RBFOX1: variants seen among roughly 807,000 people sequenced by gnomAD.
RBFOX1 encodes the protein RNA binding protein fox-1 homolog 1.
In RBFOX1, 8 loss-of-function variants were observed where a neutral mutation model predicts 57.7. The observed-to-expected ratio is 0.14, with a 90% confidence interval of 0.08 to 0.25. RBFOX1 has a LOEUF of 0.25. Ranked by LOEUF, RBFOX1 falls within the 10% of genes least tolerant of loss-of-function variation. The probability of loss-of-function intolerance (pLI) is 1.00; values close to 1 mark genes in which losing one functional copy is unlikely to be tolerated. For missense variants in RBFOX1, 611 were observed against 548.5 expected (o/e 1.11, Z -1.14); for synonymous variants, 326 against 222.4 (o/e 1.47, Z -4.15).
rs573246312 is a variant in RBFOX1, at chr16:7,224,438, G to A, written c.27+172340G>A. On this transcript the variant is annotated intron_variant, in intron 4 of 15. Transcript: ENST00000550418. ...CTTGGCCTATAATGCCCCATACCAA[G>A]CATCACCAGCCCAGTGCTTCTCAGT... Among the ~76,000 whole-genome samples, 9 of 152,254 alleles carry A rather than the reference G, an allele frequency of 5.9e-5. No homozygotes were observed. In the South Asian group the frequency reaches 6.2e-4, roughly 11 times the overall value.
chr16:6,256,598 A>G (rs941310720), intron 1 of RBFOX1, among the ~76,000 whole-genome samples: 4 of 152,198 alleles, frequency 2.6e-5, no homozygotes, highest in African/African-American at 2.4e-5. Flanking sequence ...ATATGTCAAC[A>G]TGTGCTTAGG....
At chr16:7,379,393 G>T (rs967198722) in intron 4 of RBFOX1, among the ~76,000 whole-genome samples, 1 of 152,170 alleles carries the variant, frequency 6.6e-6, no homozygotes, top group Non-Finnish European at 1.5e-5. Flanking sequence ...GAGCGAATAA[G>T]AAAATAGAAC....
chr16:6,801,988 C>T (rs1000396564), intron 3 of RBFOX1, among the ~76,000 whole-genome samples: 1 of 152,048 alleles, frequency 6.6e-6, no homozygotes, highest in Non-Finnish European at 1.5e-5. Flanking sequence ...TATCTTGTCT[C>T]GTGCTAATCA....
At chr16:6,922,235 C>T (rs142054764) in intron 3 of RBFOX1, among the ~76,000 whole-genome samples, 1,806 of 152,154 alleles carry the variant, frequency 0.012, 15 homozygotes, top group Non-Finnish European at 0.019. Context: ...GCATTGGCAT[C>T]GATCTCAGAA....
chr16:5,782,058 G>A (rs2151706799), intron 3 of RBFOX1, among the ~76,000 whole-genome samples: 1 of 152,190 alleles, frequency 6.6e-6, no homozygotes, highest in East Asian at 1.9e-4. Context: ...AATAGAGAAA[G>A]ACATTAGCTG....
At chr16:6,818,331 T>A (rs1235347022) in intron 3 of RBFOX1, among the ~76,000 whole-genome samples, 1 of 152,070 alleles carries the variant, frequency 6.6e-6, no homozygotes, top group Non-Finnish European at 1.5e-5. Flanking sequence ...TCTAAATGGG[T>A]GTGACATACG....
At chr16:6,949,412 A>G (rs2080231894) in intron 3 of RBFOX1, among the ~76,000 whole-genome samples, 1 of 152,166 alleles carries the variant, frequency 6.6e-6, no homozygotes, top group Non-Finnish European at 1.5e-5. Flanking sequence ...GGCTAGGGGC[A>G]CCATAACAAA....
At chr16:6,774,308 C>T (rs1382620149) in intron 3 of RBFOX1, among the ~76,000 whole-genome samples, 3 of 152,066 alleles carry the variant, frequency 2.0e-5, no homozygotes, top group African/African-American at 4.8e-5. Context: ...GGTGCCCCTC[C>T]AGGAAAGTAT....
intron 4 of RBFOX1, among the ~76,000 whole-genome samples, chr16:7,406,644 C>G (rs1384015753): frequency 6.6e-6 from 1 of 152,228 alleles, no homozygotes; most frequent in South Asian, 2.1e-4. Context: ...AGTGACCACG[C>G]ACCCACATGG....
chr16:6,760,997 C>T (rs75291109), intron 3 of RBFOX1, among the ~76,000 whole-genome samples: 1 of 152,198 alleles, frequency 6.6e-6, no homozygotes, highest in Non-Finnish European at 1.5e-5. Flanking sequence ...ACTGAGCCAT[C>T]TTTCCAATTA....
intron 3 of RBFOX1, among the ~76,000 whole-genome samples, chr16:7,040,944 C>G (rs996222123): frequency 6.7e-5 from 10 of 149,938 alleles, no homozygotes; most frequent in African/African-American, 2.0e-4. Context: ...GGGAAGGAGT[C>G]TTGCTCTGTC....
At chr16:5,539,438 C>G (rs528649973) in intron 2 of RBFOX1, among the ~76,000 whole-genome samples, 1 of 150,114 alleles carries the variant, frequency 6.7e-6, no homozygotes, top group African/African-American at 2.4e-5. Context: ...ACTGAAAATA[C>G]AAAATTAGCC....
chr16:7,193,116 T>C (rs545476117), intron 4 of RBFOX1, among the ~76,000 whole-genome samples: 2 of 152,334 alleles, frequency 1.3e-5, no homozygotes, highest in South Asian at 4.1e-4. Context: ...TGCTAATCGG[T>C]TGGCCTTGAG....
intron 2 of RBFOX1, among the ~76,000 whole-genome samples, chr16:6,539,478 C>G (rs868305556): frequency 3.3e-5 from 5 of 152,070 alleles, no homozygotes; most frequent in Middle Eastern, 3.2e-3. Flanking sequence ...TAGTTTGGGT[C>G]TATTTGCACA....
intron 1 of RBFOX1, among the ~76,000 whole-genome samples, chr16:5,394,212 C>T (rs1038658815): frequency 6.6e-6 from 1 of 152,044 alleles, no homozygotes; most frequent in Non-Finnish European, 1.5e-5. Flanking sequence ...TTAGTAGAGA[C>T]AGGGCTTCAC....
At chr16:6,673,102 A>G (rs1391005284) in intron 3 of RBFOX1, among the ~76,000 whole-genome samples, 1 of 152,188 alleles carries the variant, frequency 6.6e-6, no homozygotes, top group African/African-American at 2.4e-5. Flanking sequence ...ACGTAAATGC[A>G]ACACTTGCTT....
chr16:7,036,156 T>C (rs1448654681), intron 3 of RBFOX1, among the ~76,000 whole-genome samples: 1 of 151,960 alleles, frequency 6.6e-6, no homozygotes, highest in Non-Finnish European at 1.5e-5. Context: ...CTATCCCTAT[T>C]TCCTTGTCTG....
At chr16:5,701,947 A>G (rs1769874296) in intron 3 of RBFOX1, among the ~76,000 whole-genome samples, 1 of 152,150 alleles carries the variant, frequency 6.6e-6, no homozygotes, top group Non-Finnish European at 1.5e-5. Flanking sequence ...GAGAATGGAG[A>G]CCTCTGTCTT....
downstream of RBFOX1, among the ~76,000 whole-genome samples, chr16:5,600,486 CAAAAAA>C (rs34621437): frequency 1.1e-5 from 1 of 90,278 alleles, no homozygotes. Flanking sequence ...GAGCCTGTCT[CAAAAAA>C]AAAAAAAAAA....
Sources: allele counts gnomAD v4.1 joint callset (sites outside exome capture counted in the v4.1 genomes callset), GRCh38; gene constraint gnomAD v4.1.1; transcripts MANE v1.5; gene names NCBI Gene and HGNC (gene_info 2026-07-23, HGNC 2026-07-21).